The following RBFOX1 variants were observed in gnomAD, a reference collection of about 807,000 sequenced individuals.
The protein encoded by RBFOX1 is RNA binding protein fox-1 homolog 1.
Under a neutral mutation model 57.7 loss-of-function variants are expected in RBFOX1, and 8 were observed. That is an observed-to-expected ratio of 0.14 (90% CI 0.08 to 0.25). The LOEUF (loss-of-function observed/expected upper bound fraction) is 0.25. Among genes scored for constraint, RBFOX1 ranks in the 10% least tolerant of loss-of-function variants. The pLI is 1.00. For synonymous variants in RBFOX1, 326 were observed against 222.4 expected, an observed-to-expected ratio of 1.47 and a Z score of -4.15; for missense variants, 611 against 548.5, an observed-to-expected ratio of 1.11 and a Z score of -1.14.
In RBFOX1 at chr16:6,368,907, A is replaced by T. The variant is rs115243139; in HGVS notation, c.-64+51850A>T. On this transcript the variant is annotated intron_variant, in intron 2 of 15. Transcript: ENST00000550418. ...TTGTGGTAAAGTAACGCAGTGGAAT[A>T]CTACAGAGCAGTGAAAAATAAACCA... Among the ~76,000 whole-genome samples, 1,298 of 152,342 alleles carry T rather than the reference A, an allele frequency of 8.5e-3. 21 individuals carry two copies. The highest frequency in any genetic ancestry group is 0.028 in the African/African-American group (1,153 of 41,572).
chr16:5,836,259 C>A (rs1426418006), intron 3 of RBFOX1, among the ~76,000 whole-genome samples: 2 of 152,114 alleles, frequency 1.3e-5, no homozygotes, highest in Non-Finnish European at 2.9e-5. Flanking sequence ...AGGCTTGAGA[C>A]CCTGGGACAT....
intron 4 of RBFOX1, among the ~76,000 whole-genome samples, chr16:7,497,297 T>C (rs1334466917): frequency 6.6e-6 from 1 of 152,218 alleles, no homozygotes; most frequent in Non-Finnish European, 1.5e-5. Flanking sequence ...TGTGTTCTTT[T>C]ATGCCCTGAT....
At chr16:6,360,221 T>C (rs753521631) in intron 2 of RBFOX1, among the ~76,000 whole-genome samples, 22 of 151,628 alleles carry the variant, frequency 1.5e-4, no homozygotes, top group African/African-American at 1.9e-4. Context: ...TTATACATCA[T>C]TGTGTAATAT....
intron 4 of RBFOX1, among the ~76,000 whole-genome samples, chr16:7,129,997 C>G (rs1416164536): frequency 6.6e-6 from 1 of 151,256 alleles, no homozygotes; most frequent in Admixed American, 6.6e-5. Context: ...CTACTTCCAT[C>G]TATACCTGGC....
chr16:5,608,851 C>G (rs116288902), intron 3 of RBFOX1, among the ~76,000 whole-genome samples: 1 of 152,190 alleles, frequency 6.6e-6, no homozygotes, highest in African/African-American at 2.4e-5. Context: ...GGGTGCAGTC[C>G]GAGTGGTCCC....
intron 14 of RBFOX1, among the ~76,000 whole-genome samples, chr16:7,680,602 C>T (rs2074484579): frequency 6.6e-6 from 1 of 151,870 alleles, no homozygotes; most frequent in African/African-American, 2.4e-5. Flanking sequence ...TGTAAAGATC[C>T]ATGAAAGCCA....
intron 2 of RBFOX1, among the ~76,000 whole-genome samples, chr16:6,485,619 A>G (rs1327654747): frequency 2.0e-5 from 3 of 152,226 alleles, no homozygotes; most frequent in African/African-American, 7.2e-5. Flanking sequence ...CAGCAGTCTT[A>G]TAAAAAGTGA....
chr16:6,985,301 A>C (rs537029269), intron 3 of RBFOX1, among the ~76,000 whole-genome samples: 6 of 152,274 alleles, frequency 3.9e-5, no homozygotes, highest in African/African-American at 1.4e-4. Context: ...CCTTCAATTA[A>C]TTTTGAAATA....
exon 3 of RBFOX1, chr16:5,599,124 C>T (rs2047282119): frequency 2.8e-6 from 2 of 712,304 alleles, no homozygotes; most frequent in Non-Finnish European, 4.7e-6. Flanking sequence ...TTCCAGAGCA[C>T]TTGCACAATT....
intron 3 of RBFOX1, among the ~76,000 whole-genome samples, chr16:6,937,644 C>G (rs896884965): frequency 5.3e-5 from 8 of 152,050 alleles, no homozygotes; most frequent in Admixed American, 3.9e-4. Context: ...GGTGGGACAA[C>G]TGGAAGCAAG....
Position 5,563,592 on chromosome 16 carries a change from G to A in RBFOX1, c.259-35310G>A, listed in dbSNP as rs1430435048. On this transcript the variant is annotated intron_variant, in intron 2 of 2. Transcript: ENST00000585867. ...TTTGATGCTGTTGAGTTGTGCTGAAGCTTGATTCTTTCAATAAGTAGTTGA... is the reference window on the plus strand; with the variant it reads ...TTTGATGCTGTTGAGTTGTGCTGAAACTTGATTCTTTCAATAAGTAGTTGA... Among the ~76,000 whole-genome samples the A allele has an allele frequency of 2.0e-5, 3 of 152,294 alleles. No homozygotes were observed. The East Asian group carries it at 5.8e-4, about 29-fold the overall frequency.
At chr16:5,944,505 G>A (rs961250216) in intron 4 of RBFOX1, among the ~76,000 whole-genome samples, 9 of 152,058 alleles carry the variant, frequency 5.9e-5, no homozygotes, top group African/African-American at 1.2e-4. Context: ...AGAAAGCAAG[G>A]CTTTGTATTA....
At chr16:5,883,931 G>C (rs575053534) in intron 4 of RBFOX1, among the ~76,000 whole-genome samples, 1 of 152,282 alleles carries the variant, frequency 6.6e-6, no homozygotes, top group South Asian at 2.1e-4. Flanking sequence ...TTGATTGGAA[G>C]AAATGAGGAT....
chr16:5,734,921 A>G (rs1335757130), intron 3 of RBFOX1, among the ~76,000 whole-genome samples: 2 of 152,196 alleles, frequency 1.3e-5, no homozygotes, highest in African/African-American at 4.8e-5. Context: ...AACACTTTCT[A>G]GCACAGGGTT....
intron 3 of RBFOX1, among the ~76,000 whole-genome samples, chr16:6,746,594 C>A (rs558053961): frequency 1.3e-5 from 2 of 151,880 alleles, no homozygotes; most frequent in African/African-American, 4.8e-5. Flanking sequence ...GGGGGGATCA[C>A]CTGAACCTGG....
chr16:6,410,996 C>T (rs2534735), intron 2 of RBFOX1, among the ~76,000 whole-genome samples: 82,203 of 151,982 alleles, frequency 0.54, 22,465 homozygotes, highest in African/African-American at 0.58. Flanking sequence ...ATGTAGTTAT[C>T]ACTTCCCTTA....
intron 4 of RBFOX1, among the ~76,000 whole-genome samples, chr16:7,162,389 T>G (rs995167869): frequency 2.0e-5 from 3 of 152,038 alleles, no homozygotes; most frequent in African/African-American, 7.2e-5. Flanking sequence ...TAAATATAAT[T>G]TAGCAAATTT....
chr16:5,276,805 G>T (rs1466285570), intron 1 of RBFOX1, among the ~76,000 whole-genome samples: 2 of 152,110 alleles, frequency 1.3e-5, no homozygotes, highest in Non-Finnish European at 2.9e-5. Flanking sequence ...AATTGATGTT[G>T]GCATGGACGT....
chr16:5,995,704 T>A (rs1596367010), intron 4 of RBFOX1, among the ~76,000 whole-genome samples: 1 of 152,114 alleles, frequency 6.6e-6, no homozygotes, highest in South Asian at 2.1e-4. Flanking sequence ...GGAAAATCTT[T>A]GATATAAACA....
Sources: gnomAD v4.1 joint callset for allele counts (sites outside exome capture counted in the v4.1 genomes callset) on GRCh38, gnomAD v4.1.1 for gene constraint, MANE v1.5 for transcripts, NCBI Gene and HGNC (gene_info 2026-07-23, HGNC 2026-07-21) for gene names.